The following AGAP1 variants were observed in gnomAD, a reference collection of about 807,000 sequenced individuals.
AGAP1 encodes the protein ArfGAP with GTPase domain, ankyrin repeat and PH domain 1.
In AGAP1, 29 loss-of-function variants were observed where a neutral mutation model predicts 105.3. That is an observed-to-expected ratio of 0.28 (90% CI 0.21 to 0.38). AGAP1 has a LOEUF of 0.38. AGAP1 is among the 10% of genes least tolerant of loss of function. AGAP1 has a pLI of 1.00. For synonymous variants in AGAP1, 509 were observed against 485.9 expected, an observed-to-expected ratio of 1.05 and a Z score of -0.63; for missense variants, 998 against 1,165.1, an observed-to-expected ratio of 0.86 and a Z score of 2.09.
At position 235,971,518 on chromosome 2, in the gene AGAP1, A is replaced by G. The variant is rs900397971; in HGVS notation, c.1645+2895A>G. ...GATCGAGACCATCCTGGCTAACACA[A>G]TGAAACCCCGTCTCTACTAAAAATA... On this transcript the variant is annotated intron_variant, in intron 13 of 17. Transcript: ENST00000304032. This position sits in a 1 kb window ranked among gnomAD's most constrained non-coding sequence, Gnocchi z 4.8. Among the ~76,000 whole-genome samples the G allele has an allele frequency of 3.9e-5, 6 of 151,960 alleles. No homozygotes were observed. The highest frequency in any genetic ancestry group is 7.4e-5 in the Non-Finnish European group (5 of 67,990).
At chr2:235,836,799 C>T (rs1051407953) in intron 9 of AGAP1, among the ~76,000 whole-genome samples, 4 of 152,168 alleles carry the variant, frequency 2.6e-5, no homozygotes, top group Admixed American at 1.3e-4. Context: ...GCTCCCTCCT[C>T]GAGATAGAGA....
At chr2:235,794,272 A>G (rs1314171460) in intron 6 of AGAP1, among the ~76,000 whole-genome samples, 1 of 152,194 alleles carries the variant, frequency 6.6e-6, no homozygotes, top group Non-Finnish European at 1.5e-5. Flanking sequence ...AGTGACTTTT[A>G]AAAGAACACT....
chr2:235,982,688 C>G lies in AGAP1; in HGVS notation c.1645+14065C>G, dbSNP rs1289089691. Among the ~76,000 whole-genome samples, 1 of 152,252 alleles carries G rather than the reference C, an allele frequency of 6.6e-6. No individual in the cohort carries two copies. Among genetic ancestry groups the G allele is most frequent in the Non-Finnish European group, 1.5e-5 (1 of 68,048 alleles). ...CCAGTCCGTTCGTGGAAGGAAAGAA[C>G]CGAAGCCAGCCCTTGGCTGCCATTC... On this transcript the variant is annotated intron_variant, in intron 13 of 17. Transcript: ENST00000304032. The surrounding 1 kb of genome is among the most constrained non-coding windows in gnomAD (Gnocchi z 4.9).
In AGAP1 at chr2:235,865,651, TA is replaced by T. The variant is rs371427205; in HGVS notation, c.1051-17693del. On this transcript the variant is annotated intron_variant, in intron 9 of 17. Transcript: ENST00000304032. The surrounding 1 kb of genome is among the most constrained non-coding windows in gnomAD (Gnocchi z 6.2). ...AGAAAAGCCTCCATTTGTAAAATAA[TA>T]GGTGCTCTGGAGGAGGGGCAGGGCG... is the stretch of plus-strand genomic sequence containing the variant. Among the ~76,000 whole-genome samples, 48 of 152,168 alleles carry T rather than the reference TA, an allele frequency of 3.2e-4. No individual in the cohort carries two copies. In the East Asian group the frequency reaches 7.7e-3, roughly 25 times the overall value.
intron 12 of AGAP1, among the ~76,000 whole-genome samples, chr2:235,955,378 A>C (rs967782853): frequency 1.3e-5 from 2 of 152,070 alleles, no homozygotes; most frequent in African/African-American, 4.8e-5. Context: ...ACATCCTTAC[A>C]CACCGTTGGT....
At chr2:235,547,665 T>G (rs1943671038) in intron 1 of AGAP1, among the ~76,000 whole-genome samples, 1 of 152,188 alleles carries the variant, frequency 6.6e-6, no homozygotes, top group Non-Finnish European at 1.5e-5. Context: ...AACTAATTTT[T>G]GTATTTTAGT....
intron 3 of AGAP1, among the ~76,000 whole-genome samples, chr2:235,731,961 C>G (rs182142541): frequency 1.3e-5 from 2 of 152,324 alleles, no homozygotes; most frequent in South Asian, 4.1e-4. Context: ...ATGGAAGGGG[C>G]AGCCGTGGCC....
intron 9 of AGAP1, among the ~76,000 whole-genome samples, chr2:235,829,804 A>G (rs917434708): frequency 1.3e-5 from 2 of 152,132 alleles, no homozygotes; most frequent in African/African-American, 4.8e-5. Context: ...GCAGATAGAC[A>G]GGAGGCTGCT....
At chr2:235,571,995 CACACACACTT>C (rs1456321178) in intron 1 of AGAP1, among the ~76,000 whole-genome samples, 13 of 122,912 alleles carry the variant, frequency 1.1e-4, no homozygotes, top group East Asian at 5.0e-4. Context: ...CACACACACA[CACACACACTT>C]TTTTTTTTTT....
At chr2:235,708,753 C>T (rs1432359423) in intron 1 of AGAP1, among the ~76,000 whole-genome samples, 1 of 152,120 alleles carries the variant, frequency 6.6e-6, no homozygotes, top group Admixed American at 6.5e-5. Context: ...TTGTAGTAGA[C>T]AAGCAAAAGA....
At chr2:235,821,586 C>CA (rs1291549885) in intron 9 of AGAP1, among the ~76,000 whole-genome samples, 3 of 151,898 alleles carry the variant, frequency 2.0e-5, no homozygotes, top group Non-Finnish European at 2.9e-5. Context: ...AAGAAATTTG[C>CA]AAAAAATAAT....
In AGAP1 at chr2:236,036,444, G is replaced by C; in HGVS notation, c.1646-117G>C. 7.4e-7 allele frequency: 1 copy of C among 1,357,028 alleles called. No individual in the cohort carries two copies. Among genetic ancestry groups the C allele is most frequent in the Non-Finnish European group, 1.0e-6 (1 of 990,530 alleles). The allele number at this position is 1,357,028 out of a possible 1,614,324, so 84.1% of individuals were successfully genotyped here. On this transcript the variant is annotated intron_variant, in intron 13 of 17. Transcript: ENST00000304032. The surrounding 1 kb of genome is among the most constrained non-coding windows in gnomAD (Gnocchi z 5.7). The stretch of plus-strand genomic sequence containing the variant: ...CCGCCGTGGTTGTCCAGTGCCGTGC[G>C]CCTCACCGGTCCATGCAGGGGCAGC...
chr2:236,063,551 AT>A (rs2058264478), intron 16 of AGAP1, among the ~76,000 whole-genome samples: 1 of 152,256 alleles, frequency 6.6e-6, no homozygotes, highest in Admixed American at 6.5e-5. Flanking sequence ...GATTATTTTC[AT>A]GTTAAGAAAG....
intron 1 of AGAP1, among the ~76,000 whole-genome samples, chr2:235,513,301 G>A (rs1357952390): frequency 6.6e-6 from 1 of 152,024 alleles, no homozygotes; most frequent in African/African-American, 2.4e-5. Context: ...CGGGCAGATT[G>A]CTTGAAGTCA....
intron 13 of AGAP1, among the ~76,000 whole-genome samples, chr2:236,018,766 C>T (rs959848529): frequency 1.3e-5 from 2 of 152,156 alleles, no homozygotes; most frequent in African/African-American, 4.8e-5. Flanking sequence ...AGTCCCAATT[C>T]GAGCCCGTCT....
At chr2:235,624,142 G>A (rs1038865749) in intron 1 of AGAP1, among the ~76,000 whole-genome samples, 2 of 152,158 alleles carry the variant, frequency 1.3e-5, no homozygotes, top group Non-Finnish European at 2.9e-5. Flanking sequence ...TATCTTAACC[G>A]TTGAATGTAC....
intron 1 of AGAP1, among the ~76,000 whole-genome samples, chr2:235,527,602 G>C (rs921785940): frequency 6.6e-6 from 1 of 152,106 alleles, no homozygotes; most frequent in Admixed American, 6.5e-5. Flanking sequence ...TTGTCAGGCT[G>C]GTTTTGAACT....
chr2:236,059,215 CAAAAT>C (rs992813402), intron 16 of AGAP1, among the ~76,000 whole-genome samples: 6 of 151,534 alleles, frequency 4.0e-5, no homozygotes, highest in Admixed American at 3.3e-4. Context: ...AGTGGACAAT[CAAAAT>C]AAAATTAAGG....
intron 1 of AGAP1, among the ~76,000 whole-genome samples, chr2:235,570,697 T>C (rs1341977773): frequency 1.3e-5 from 2 of 152,228 alleles, no homozygotes; most frequent in African/African-American, 4.8e-5. Flanking sequence ...CAAGATTCTT[T>C]TAAATCCAAA....
Sources: gnomAD v4.1 joint callset for allele counts (sites outside exome capture counted in the v4.1 genomes callset) on GRCh38, gnomAD v4.1.1 for gene constraint, Gnocchi (gnomAD v3.1) non-coding constraint, MANE v1.5 for transcripts, NCBI Gene and HGNC (gene_info 2026-07-23, HGNC 2026-07-21) for gene names.